The following BCAS1 variants were observed in gnomAD, a reference collection of about 807,000 sequenced individuals.
BCAS1 encodes brain enriched myelin associated protein 1, also known as breast carcinoma-amplified sequence 1.
In BCAS1, 46 loss-of-function variants were observed where a neutral mutation model predicts 65.4. The observed-to-expected ratio is 0.70, with a 90% CI of 0.55 to 0.90. BCAS1 has a LOEUF of 0.90. Among genes scored for constraint, BCAS1 ranks in the 40% least tolerant of loss-of-function variants. The probability of loss-of-function intolerance (pLI) is 0.00; values close to 1 mark genes in which losing one functional copy is unlikely to be tolerated. For synonymous variants in BCAS1, 298 were observed against 293.5 expected (o/e 1.02, Z -0.16); for missense variants, 793 against 771.2 (o/e 1.03, Z -0.33).
rs186454911 is a variant in BCAS1 at position 54,018,839 on chromosome 20, C to T, written c.723+9553G>A. On this transcript the variant is annotated intron_variant, in intron 4 of 12. Transcript: ENST00000688948. ...ATGCAAGTGTTATGACGAAGGACAACCTACATGGCTGCGCTGCTGGGAATC... is the reference window on the plus strand; with the variant it reads ...ATGCAAGTGTTATGACGAAGGACAATCTACATGGCTGCGCTGCTGGGAATC... Among the ~76,000 whole-genome samples, 20 of 152,274 alleles carry T rather than the reference C, an allele frequency of 1.3e-4. No individual in the cohort carries two copies. The South Asian group carries it at 1.7e-3, about 13-fold the overall frequency.
At chr20:54,029,485 G>A (rs1370683865) in intron 3 of BCAS1, among the ~76,000 whole-genome samples, 1 of 152,156 alleles carries the variant, frequency 6.6e-6, no homozygotes, top group Non-Finnish European at 1.5e-5. Context: ...TCCCAGTCAT[G>A]GCAACCAAAA....
At chr20:53,958,686 A>T (rs2089779134) in intron 10 of BCAS1, among the ~76,000 whole-genome samples, 1 of 152,252 alleles carries the variant, frequency 6.6e-6, no homozygotes, top group African/African-American at 2.4e-5. Context: ...AGTGCTTACT[A>T]AGTGCTGGGC....
rs188154145 is a variant in BCAS1 at position 53,975,503 on chromosome 20, G to T, written c.1276-73C>A. ...CAAAATTGTTACATAAAAGCAAAGGGTTAGTTGGGCTCACAGTCTTGGGGT... is the reference window on the plus strand; with the variant it reads ...CAAAATTGTTACATAAAAGCAAAGGTTTAGTTGGGCTCACAGTCTTGGGGT... On this transcript the variant is annotated intron_variant, in intron 8 of 12. Coordinates refer to ENST00000688948, the MANE Select transcript of BCAS1 (RefSeq NM_001366298.2). 8.7e-3 allele frequency: 11,191 copies of T among 1,288,440 alleles called. 159 individuals carry two copies. The highest frequency in any genetic ancestry group is 0.044 in the South Asian group (3,552 of 81,316). The allele number at this position is 1,288,440 out of a possible 1,614,324, so 79.8% of individuals were successfully genotyped here. A position where few individuals can be genotyped will look rare whatever the true frequency, so the allele number is the denominator to read the frequency against.
intron 9 of BCAS1, among the ~76,000 whole-genome samples, chr20:53,970,026 T>C (rs2090139214): frequency 6.6e-6 from 1 of 152,192 alleles, no homozygotes; most frequent in Non-Finnish European, 1.5e-5. Context: ...AGAAAATAGC[T>C]CTTAAGTAGA....
intron 4 of BCAS1, among the ~76,000 whole-genome samples, chr20:54,001,054 G>A (rs1428633398): frequency 2.0e-5 from 3 of 152,250 alleles, no homozygotes; most frequent in South Asian, 4.1e-4. Context: ...ACCTGTTTGG[G>A]TGGCTGGATA....
intron 9 of BCAS1, among the ~76,000 whole-genome samples, chr20:53,973,268 T>C (rs2090231258): frequency 6.6e-6 from 1 of 152,088 alleles, no homozygotes; most frequent in Admixed American, 6.6e-5. Flanking sequence ...AAAAAGAAGA[T>C]GAAATATTGA....
At chr20:53,965,163 C>T (rs2089994504) in intron 10 of BCAS1, among the ~76,000 whole-genome samples, 1 of 152,198 alleles carries the variant, frequency 6.6e-6, no homozygotes, top group South Asian at 2.1e-4. Flanking sequence ...GGGCCGCCCA[C>T]AACTGATTCT....
In BCAS1 at chr20:53,974,204, G is replaced by T. The variant is rs548078862; in HGVS notation, c.1317+1185C>A. ...GGGGTCAAATAACGGAGTAAAAGCT[G>T]GCCACCCCAGCCAGCAGCCACAACC... is the stretch of plus-strand genomic sequence containing the variant. On this transcript the variant is annotated intron_variant, in intron 9 of 12. Coordinates refer to ENST00000688948, the MANE Select transcript of BCAS1 (RefSeq NM_001366298.2). Among the ~76,000 whole-genome samples the T allele has an allele frequency of 4.9e-4, 75 of 152,266 alleles. 1 individual carries two copies. The South Asian group carries it at 0.011, about 23-fold the overall frequency.
chr20:54,023,878 G>A (rs2091614177), intron 4 of BCAS1, among the ~76,000 whole-genome samples: 1 of 152,180 alleles, frequency 6.6e-6, no homozygotes, highest in Non-Finnish European at 1.5e-5. Context: ...AGTCAACTGT[G>A]CTATCTCTGT....
intron 4 of BCAS1, among the ~76,000 whole-genome samples, chr20:54,015,143 C>T (rs1410708212): frequency 6.6e-6 from 1 of 151,926 alleles, no homozygotes. Flanking sequence ...AGTGATTCTC[C>T]TGCCTCAGCC....
rs902519260 is a variant in BCAS1, at chr20:54,051,441, GAC to G, written c.142+6642_142+6643del. On this transcript the variant is annotated intron_variant, in intron 3 of 12. Coordinates refer to ENST00000688948, the MANE Select transcript of BCAS1 (RefSeq NM_001366298.2). ...GGGGGGAGGTGAAGAGGTACCAGATGACAGTCTCCTGAGGTCTCCCTCTCTTG... is the reference window on the plus strand; with the variant it reads ...GGGGGGAGGTGAAGAGGTACCAGATGAGTCTCCTGAGGTCTCCCTCTCTTG... Among the ~76,000 whole-genome samples the G allele has an allele frequency of 5.3e-5, 8 of 152,314 alleles. 1 individual carries two copies. The East Asian group carries it at 7.7e-4, about 15-fold the overall frequency.
At chr20:53,998,052 G>T (rs542212138) in intron 4 of BCAS1, among the ~76,000 whole-genome samples, 2 of 152,096 alleles carry the variant, frequency 1.3e-5, no homozygotes, top group African/African-American at 4.8e-5. Context: ...CTAACAATTC[G>T]CAGTGTGTGA....
At chr20:54,058,271 CTG>C (rs1189345122) in intron 2 of BCAS1, 117 bp from the exon 3 acceptor site, 57 of 953,576 alleles carry the variant, frequency 6.0e-5, no homozygotes, top group Non-Finnish European at 8.9e-5. Flanking sequence ...AACTTAAAGG[CTG>C]TGTTTCTAGA....
At chr20:54,050,458 T>C (rs962689854) in intron 3 of BCAS1, among the ~76,000 whole-genome samples, 2 of 152,220 alleles carry the variant, frequency 1.3e-5, no homozygotes, top group African/African-American at 4.8e-5. Flanking sequence ...CCCTAGTGTA[T>C]GCACTCTCAG....
At chr20:54,059,423 A>G (rs1202379413) in intron 1 of BCAS1, among the ~76,000 whole-genome samples, 1 of 152,146 alleles carries the variant, frequency 6.6e-6, no homozygotes, top group African/African-American at 2.4e-5. Flanking sequence ...GGGTAATTGA[A>G]ATAATAATAT....
chr20:54,025,891 A>T (rs2091662374), intron 4 of BCAS1, among the ~76,000 whole-genome samples: 2 of 152,342 alleles, frequency 1.3e-5, no homozygotes, highest in African/African-American at 4.8e-5. Context: ...GAGTCAGAAA[A>T]GAAACCTTGA....
chr20:53,964,344 T>C (rs2024066), intron 10 of BCAS1, among the ~76,000 whole-genome samples: 51,690 of 152,044 alleles, frequency 0.34, 9,688 homozygotes, highest in African/African-American at 0.51. Context: ...TCTTCATTTG[T>C]TTATTTGAAT....
At chr20:54,064,261 T>C (rs1048481851) in intron 1 of BCAS1, among the ~76,000 whole-genome samples, 1 of 152,206 alleles carries the variant, frequency 6.6e-6, no homozygotes, top group East Asian at 1.9e-4. Flanking sequence ...TCTAGGTGAT[T>C]TCCATGGCTG....
chr20:53,978,402 C>G (rs2145723907), intron 8 of BCAS1, among the ~76,000 whole-genome samples: 1 of 152,098 alleles, frequency 6.6e-6, no homozygotes, highest in South Asian at 2.1e-4. Context: ...ATCATTACAG[C>G]AAATGTCATA....
Sources: gnomAD v4.1 joint callset for allele counts (sites outside exome capture counted in the v4.1 genomes callset) on GRCh38, gnomAD v4.1.1 for gene constraint, MANE v1.5 for transcripts, NCBI Gene and HGNC (gene_info 2026-07-23, HGNC 2026-07-21) for gene names.